Variants in KRTAP19-6 observed in about 807,000 individuals in gnomAD.
The protein encoded by KRTAP19-6 is keratin-associated protein 19-6.
For missense variants in KRTAP19-6, 70 were observed against 70.3 expected (o/e 1.00, Z 0.02); for synonymous variants, 20 against 27.5 (o/e 0.73, Z 0.85).
rs1193750751 is a variant in KRTAP19-6 at position 30,541,827 on chromosome 21, A to T, written c.7T>A (p.Tyr3Asn). 1 of 1,613,498 alleles carries T rather than the reference A, an allele frequency of 6.2e-7. No homozygotes were observed. Among genetic ancestry groups the T allele is most frequent in the Admixed American group, 1.7e-5 (1 of 59,972 alleles). Residue 3 changes from tyrosine (Y) to asparagine (N), a missense_variant, in exon 1 of 1, where the codon TAC becomes AAC. By Grantham distance (143) the Tyr-to-Asn change is moderately radical. Coordinates refer to ENST00000334046, the MANE Select transcript of KRTAP19-6 (RefSeq NM_181612.3). ...AGGCCTCTGTAGTAGCTGCCATAGT[A>T]TCTCATGGTGTCAGGGACTAGAGAT... MR[Y>N]YGSYYRGLGY...
At position 30,541,605 on chromosome 21, in the gene KRTAP19-6, T is replaced by G; in HGVS notation, c.*52A>C. 1 of 1,592,814 alleles carries G rather than the reference T, an allele frequency of 6.3e-7. No individual in the cohort carries two copies. Among genetic ancestry groups the G allele is most frequent in the Non-Finnish European group, 8.6e-7 (1 of 1,161,268 alleles). ...ACATTGAGAAAAGTGTTCGCCTTGC[T>G]GAAGCATACGGGCAAGATCTTGGAG... On this transcript the variant is annotated 3_prime_UTR_variant, in exon 1 of 1. Coordinates refer to ENST00000334046, the MANE Select transcript of KRTAP19-6 (RefSeq NM_181612.3).
At position 30,541,854 on chromosome 21, in the gene KRTAP19-6, C is replaced by G. The variant is rs768598086; in HGVS notation, c.-21G>C. ...CTCATGGTGTCAGGGACTAGAGATT[C>G]AGTTCAATGCTAATGATGAGTTTCC... On this transcript the variant is annotated 5_prime_UTR_variant, in exon 1 of 1. Coordinates refer to ENST00000334046, the MANE Select transcript of KRTAP19-6 (RefSeq NM_181612.3). The G allele has an allele frequency of 6.3e-7, 1 of 1,597,832 alleles. No homozygotes were observed. The highest frequency in any genetic ancestry group is 1.3e-5 in the African/African-American group (1 of 74,306).
At position 30,541,763 on chromosome 21, in the gene KRTAP19-6, C is replaced by A. The variant is rs764910747; in HGVS notation, c.71G>T (p.Gly24Val). Reference sequence around the variant, plus strand: ...ATATCTGTAGCCTCCACAGCCACAGCCATAGCCCAGACCACCAAAGCCTCC... The same window carrying A: ...ATATCTGTAGCCTCCACAGCCACAGACATAGCCCAGACCACCAAAGCCTCC... Reference protein sequence around the residue: ...GCGGFGGLGYGCGCGGYRYGS... With the variant: ...GCGGFGGLGYVCGCGGYRYGS... The change falls in exon 1 of 1, where the codon GGC becomes GTC. Residue 24 changes from glycine (G) to valine (V), a missense_variant. Transcript: ENST00000334046. The A allele has an allele frequency of 1.2e-6, 2 of 1,614,056 alleles. No homozygotes were observed. Among genetic ancestry groups the A allele is most frequent in the Non-Finnish European group, 1.7e-6 (2 of 1,179,958 alleles).
rs1361049314 is a variant in KRTAP19-6 at position 30,541,724 on chromosome 21, C to T, written c.110G>A (p.Gly37Glu). 6.2e-7 allele frequency: 1 copy of T among 1,613,614 alleles called. No homozygotes were observed. The highest frequency in any genetic ancestry group is 1.3e-5 in the African/African-American group (1 of 74,926). The change falls in exon 1 of 1, where the codon GGA becomes GAA. Residue 37 changes from glycine to glutamate, a missense_variant. Physicochemically the swap from Gly to Glu is moderately conservative, Grantham distance 98. Coordinates refer to ENST00000334046, the MANE Select transcript of KRTAP19-6 (RefSeq NM_181612.3). ...GCGGCAGCAGCCATATCTATAGCCT[C>T]CATAGCCAGAGCCATATCTGTAGCC... is the stretch of plus-strand genomic sequence containing the variant. ...CGGYRYGSGY[G>E]GYRYGCCRPS...
Position 30,541,696 on chromosome 21 carries a change from T to C in KRTAP19-6, c.138A>G (p.Pro46=). Residue 46 remains proline (P), a synonymous_variant, in exon 1 of 1, where the codon CCA becomes CCG. Coordinates refer to ENST00000334046, the MANE Select transcript of KRTAP19-6 (RefSeq NM_181612.3). The part of the protein sequence containing the change: ...YGGYRYGCCR[P]SCREGYGFSG... Reference sequence around the variant, plus strand: ...AGAATCCATATCCTTCACGGCATGATGGGCGGCAGCAGCCATATCTATAGC... The same window carrying C: ...AGAATCCATATCCTTCACGGCATGACGGGCGGCAGCAGCCATATCTATAGC... The C allele has an allele frequency of 6.2e-7, 1 of 1,613,782 alleles. No individual in the cohort carries two copies.
Sources: allele counts gnomAD v4.1 joint callset, GRCh38; gene constraint gnomAD v4.1.1; transcripts MANE v1.5; gene names NCBI Gene and HGNC (gene_info 2026-07-23, HGNC 2026-07-21).